Variants in RASA1 observed in about 807,000 individuals in gnomAD.
RASA1 encodes RAS p21 protein activator 1.
Under a neutral mutation model 132.2 loss-of-function variants are expected in RASA1, and 25 were observed. That is an observed-to-expected ratio of 0.19 (90% confidence interval 0.14 to 0.26). RASA1 has a LOEUF of 0.26. Ranked by LOEUF, RASA1 falls within the 10% of genes least tolerant of loss-of-function variation. RASA1 has a pLI of 1.00. For synonymous variants in RASA1, 477 were observed against 449.9 expected, an observed-to-expected ratio of 1.06 and a Z score of -0.76; for missense variants, 964 against 1,299.2, an observed-to-expected ratio of 0.74 and a Z score of 3.97.
At chr5:87,337,334 A>C (rs1272075144) in intron 4 of RASA1, among the ~76,000 whole-genome samples, 1 of 152,022 alleles carries the variant, frequency 6.6e-6, no homozygotes, top group African/African-American at 2.4e-5. Context: ...CAGAAAAAAA[A>C]CATACATTCC....
chr5:87,299,740 T>C (rs1755278926), intron 1 of RASA1: 1 of 152,152 alleles, frequency 6.6e-6, no homozygotes, highest in Non-Finnish European at 1.5e-5. Context: ...AGGGGTCATA[T>C]TGATCTTTTC....
In RASA1 at chr5:87,376,827, G is replaced by A. The variant is rs998417610; in HGVS notation, c.2185-54G>A. 27 of 1,504,950 alleles carry A rather than the reference G, an allele frequency of 1.8e-5. No homozygotes were observed. In the East Asian group the frequency reaches 5.0e-4, roughly 28 times the overall value. 93.2% of individuals were successfully genotyped at this position (1,504,950 alleles called of 1,614,324 possible). A position where few individuals can be genotyped will look rare whatever the true frequency, so the allele number is the denominator to read the frequency against. On this transcript the variant is annotated intron_variant, in intron 16 of 24. Coordinates refer to ENST00000274376, the MANE Select transcript of RASA1 (RefSeq NM_002890.3). ...GAACATATTTCTTGTTAGTCTCATG[G>A]AGCATGCTTATAATGCTACGTACTT...
At chr5:87,314,505 C>T (rs796824135) in intron 1 of RASA1, among the ~76,000 whole-genome samples, 3 of 152,100 alleles carry the variant, frequency 2.0e-5, no homozygotes, top group Admixed American at 1.3e-4. Flanking sequence ...ATTGTTAAGG[C>T]TTTTTGACTG....
At chr5:87,376,590 T>C (rs1341366005) in intron 16 of RASA1, 25 bp downstream of exon 16, 9 of 1,603,844 alleles carry the variant, frequency 5.6e-6, no homozygotes, top group Non-Finnish European at 7.7e-6. Context: ...ATCAGTCTTG[T>C]TTTTGTTGGA....
intron 7 of RASA1, among the ~76,000 whole-genome samples, chr5:87,348,780 T>A (rs1759046757): frequency 6.6e-6 from 1 of 151,936 alleles, no homozygotes; most frequent in Admixed American, 6.6e-5. Context: ...GTTTAATGAT[T>A]AATTGAAAAC....
intron 1 of RASA1, among the ~76,000 whole-genome samples, chr5:87,311,870 CA>C (rs1755943116): frequency 6.6e-6 from 1 of 152,182 alleles, no homozygotes; most frequent in Non-Finnish European, 1.5e-5. Context: ...TTTCAGTAAA[CA>C]AAGGCACTCT....
Position 87,285,033 on chromosome 5 carries a change from CATTTATTTATTT to C in RASA1, c.539+16084_539+16095del, listed in dbSNP as rs34217012. On this transcript the variant is annotated intron_variant, in intron 1 of 24. Transcript: ENST00000274376. ...TAAAGTGCTGCGGAGATAATGGTAC[CATTTATTTATTT>C]ATTTATTTATTTATTTATTTATTTA... 3.9e-3 allele frequency among the ~76,000 whole-genome samples: 532 copies of C among 137,052 alleles called. 4 individuals carry two copies. Among genetic ancestry groups the C allele is most frequent in the African/African-American group, 9.8e-3 (361 of 36,664 alleles). 89.9% of individuals were successfully genotyped at this position (137,052 alleles called of 152,430 possible).
At chr5:87,333,962 T>A (rs1247963486) in intron 4 of RASA1, among the ~76,000 whole-genome samples, 1 of 152,176 alleles carries the variant, frequency 6.6e-6, no homozygotes, top group African/African-American at 2.4e-5. Flanking sequence ...ATTACAAATT[T>A]ATGAATTTAG....
At chr5:87,269,902 A>G (rs753083674) in intron 1 of RASA1, among the ~76,000 whole-genome samples, 1 of 152,162 alleles carries the variant, frequency 6.6e-6, no homozygotes, top group Non-Finnish European at 1.5e-5. Flanking sequence ...GTTATTAGGC[A>G]AAACTTGTTA....
At chr5:87,274,687 G>A (rs1312230765) in intron 1 of RASA1, among the ~76,000 whole-genome samples, 2 of 152,092 alleles carry the variant, frequency 1.3e-5, no homozygotes, top group East Asian at 3.9e-4. Flanking sequence ...TGAAGTATGA[G>A]CAAAGGTCAT....
At chr5:87,293,818 G>T (rs1376205527) in intron 1 of RASA1, among the ~76,000 whole-genome samples, 1 of 151,824 alleles carries the variant, frequency 6.6e-6, no homozygotes, top group Admixed American at 6.6e-5. Context: ...TTAAGTAGTT[G>T]CTCCATTTCA....
At chr5:87,386,249 G>A (rs1762054276) in intron 22 of RASA1, among the ~76,000 whole-genome samples, 1 of 151,944 alleles carries the variant, frequency 6.6e-6, no homozygotes, top group African/African-American at 2.4e-5. Context: ...GATTTTAAAA[G>A]AGTGTGTTAA....
At chr5:87,325,277 T>A (rs553530735) in intron 1 of RASA1, among the ~76,000 whole-genome samples, 12 of 152,124 alleles carry the variant, frequency 7.9e-5, no homozygotes, top group Non-Finnish European at 1.8e-4. Context: ...TCCCACCGGG[T>A]CGGGTCCCAC....
chr5:87,318,174 T>C (rs911723069), intron 1 of RASA1, among the ~76,000 whole-genome samples: 6 of 152,166 alleles, frequency 3.9e-5, no homozygotes, highest in Admixed American at 1.3e-4. Context: ...GCTTCTATTA[T>C]AACCCCCACA....
intron 6 of RASA1, among the ~76,000 whole-genome samples, chr5:87,343,561 A>G (rs1267756128): frequency 6.6e-6 from 1 of 152,204 alleles, no homozygotes; most frequent in Non-Finnish European, 1.5e-5. Flanking sequence ...TCCAAAAGAT[A>G]GGCTATAATG....
At chr5:87,329,704 C>G (rs569028860) in intron 1 of RASA1, among the ~76,000 whole-genome samples, 4 of 151,910 alleles carry the variant, frequency 2.6e-5, no homozygotes, top group Non-Finnish European at 5.9e-5. Context: ...TTAATTTTAT[C>G]TTTGTTGGGT....
chr5:87,321,310 C>T (rs149084966), intron 1 of RASA1, among the ~76,000 whole-genome samples: 4 of 152,302 alleles, frequency 2.6e-5, no homozygotes, highest in Non-Finnish European at 4.4e-5. Context: ...GTATTTCTCC[C>T]TGCCAAATAA....
At chr5:87,355,465 C>G (rs993940190) in intron 9 of RASA1, among the ~76,000 whole-genome samples, 1 of 152,154 alleles carries the variant, frequency 6.6e-6, no homozygotes, top group African/African-American at 2.4e-5. Context: ...TATTTTAAGG[C>G]CACTGTTGAA....
chr5:87,348,632 A>G (rs1759032777), intron 7 of RASA1, among the ~76,000 whole-genome samples: 1 of 151,236 alleles, frequency 6.6e-6, no homozygotes, highest in African/African-American at 2.4e-5. Flanking sequence ...TACAGTTATT[A>G]CTTTTTAATT....
Sources: allele counts gnomAD v4.1 joint callset (sites outside exome capture counted in the v4.1 genomes callset), GRCh38; gene constraint gnomAD v4.1.1; transcripts MANE v1.5; gene names NCBI Gene and HGNC (gene_info 2026-07-23, HGNC 2026-07-21).